OR51B5: variants seen among roughly 807,000 people sequenced by gnomAD.
The protein encoded by OR51B5 is olfactory receptor 51B5.
For missense variants in OR51B5, 456 were observed against 374.6 expected, an observed-to-expected ratio of 1.22 and a Z score of -1.79; for synonymous variants, 186 against 144.8, an observed-to-expected ratio of 1.28 and a Z score of -2.04.
At chr11:5,402,325 TTTTCTTTCTGCCTATA>T (rs1201685453) in intron 1 of OR51B5, among the ~76,000 whole-genome samples, 1 of 152,188 alleles carries the variant, frequency 6.6e-6, no homozygotes, top group East Asian at 1.9e-4. Flanking sequence ...AGACACATAA[TTTTCTTTCTGCCTATA>T]ATGTAATATA....
chr11:5,377,777 G>A lies in OR51B5; in HGVS notation n.85-30867C>T, dbSNP rs948643602. Among the ~76,000 whole-genome samples the A allele has an allele frequency of 2.2e-4, 30 of 139,324 alleles. 4 individuals are homozygous for A. Among genetic ancestry groups the A allele is most frequent in the Admixed American group, 9.9e-4 (14 of 14,212 alleles). The allele number at this position is 139,324 out of a possible 152,430, so 91.4% of individuals were successfully genotyped here. A position where few individuals can be genotyped will look rare whatever the true frequency, so the allele number is the denominator to read the frequency against. On this transcript the variant is annotated intron_variant and non_coding_transcript_variant, in intron 1 of 4. Transcript: ENST00000415970. ...AAGGGATGTGAAGGACCTCTTCAAG[G>A]AGAACTACAAACCACTGCTCAATGA...
At chr11:5,442,223 C>A (rs972107311) in intron 1 of OR51B5, among the ~76,000 whole-genome samples, 3 of 152,104 alleles carry the variant, frequency 2.0e-5, no homozygotes. Context: ...TTAATAAATT[C>A]TACAATCAAA....
chr11:5,357,423 T>C (rs981876963), intron 1 of OR51B5, among the ~76,000 whole-genome samples: 12 of 151,028 alleles, frequency 7.9e-5, no homozygotes, highest in African/African-American at 2.7e-4. Context: ...CAAGAAGAGC[T>C]AACTATCCTA....
chr11:5,480,305 C>T (rs1347365932), intron 1 of OR51B5, among the ~76,000 whole-genome samples: 1 of 151,518 alleles, frequency 6.6e-6, no homozygotes, highest in Non-Finnish European at 1.5e-5. Context: ...TTCTTTGAAA[C>T]CAACGAGAAC....
intron 1 of OR51B5, among the ~76,000 whole-genome samples, chr11:5,404,358 G>A (rs1017203944): frequency 1.1e-4 from 17 of 152,092 alleles, no homozygotes; most frequent in African/African-American, 2.4e-4. Flanking sequence ...ACCAATCAGC[G>A]CTGTGTGTCT....
chr11:5,472,170 A>G (rs946559021), intron 1 of OR51B5, among the ~76,000 whole-genome samples: 11 of 152,214 alleles, frequency 7.2e-5, no homozygotes, highest in East Asian at 5.8e-4. Flanking sequence ...TGAAGCTCCA[A>G]GCACGAAGCC....
At chr11:5,421,312 C>T (rs549543654) in intron 1 of OR51B5, among the ~76,000 whole-genome samples, 1 of 152,230 alleles carries the variant, frequency 6.6e-6, no homozygotes, top group Non-Finnish European at 1.5e-5. Flanking sequence ...GCTGAGAAAA[C>T]AGAAGCCACA....
At chr11:5,373,914 C>T (rs530323332) in intron 1 of OR51B5, among the ~76,000 whole-genome samples, 2 of 152,244 alleles carry the variant, frequency 1.3e-5, no homozygotes, top group African/African-American at 4.8e-5. Flanking sequence ...CACAGACAAA[C>T]AAAAAGACAG....
chr11:5,454,335 G>T (rs1564818820), intron 1 of OR51B5: 2 of 1,614,050 alleles, frequency 1.2e-6, no homozygotes, highest in Non-Finnish European at 1.7e-6. Flanking sequence ...GTACCTATTT[G>T]TGCCTCCTGT....
At chr11:5,374,670 G>A (rs1031562442) in intron 1 of OR51B5, among the ~76,000 whole-genome samples, 3 of 152,204 alleles carry the variant, frequency 2.0e-5, no homozygotes, top group African/African-American at 7.2e-5. Flanking sequence ...CAAGGCTCGA[G>A]AATGACGTGA....
chr11:5,497,485 CAGGCTCTCTA>C (rs936309518), intron 1 of OR51B5, among the ~76,000 whole-genome samples: 3 of 152,162 alleles, frequency 2.0e-5, no homozygotes, highest in Admixed American at 2.0e-4. Flanking sequence ...TGTAGACCCC[CAGGCTCTCTA>C]AGGTTGATTG....
intron 1 of OR51B5, among the ~76,000 whole-genome samples, chr11:5,464,790 G>A (rs1171616699): frequency 6.6e-6 from 1 of 152,074 alleles, no homozygotes; most frequent in African/African-American, 2.4e-5. Flanking sequence ...ATATTCCTTT[G>A]GGTATATACC....
chr11:5,343,469 T>G, exon 1 of OR51B5: 1 of 1,542,506 alleles, frequency 6.5e-7, no homozygotes, highest in East Asian at 2.2e-5. Flanking sequence ...ATGAGCTTCC[T>G]CCAAGCCTGG....
At chr11:5,465,093 C>A (rs1416183079) in intron 1 of OR51B5, among the ~76,000 whole-genome samples, 1 of 147,740 alleles carries the variant, frequency 6.8e-6, no homozygotes, top group Non-Finnish European at 1.5e-5. Flanking sequence ...GTAGTCCCAG[C>A]TACTTGGGAG....
intron 1 of OR51B5, among the ~76,000 whole-genome samples, chr11:5,370,593 T>C (rs947026618): frequency 6.6e-6 from 1 of 152,224 alleles, no homozygotes; most frequent in Non-Finnish European, 1.5e-5. Context: ...ATAGAATAAC[T>C]AAATACATTT....
chr11:5,455,675 A>T (rs1273168283), intron 1 of OR51B5: 2 of 152,170 alleles, frequency 1.3e-5, no homozygotes, highest in African/African-American at 4.8e-5. Flanking sequence ...ATGGAAACTC[A>T]TCCAGAAACC....
chr11:5,376,641 C>T (rs1241447884), intron 1 of OR51B5, among the ~76,000 whole-genome samples: 2 of 151,988 alleles, frequency 1.3e-5, no homozygotes, highest in Non-Finnish European at 2.9e-5. Flanking sequence ...ACCACCGATC[C>T]CACAGAAATA....
chr11:5,365,055 G>A (rs1240875463), intron 1 of OR51B5, among the ~76,000 whole-genome samples: 1 of 152,092 alleles, frequency 6.6e-6, no homozygotes, highest in Non-Finnish European at 1.5e-5. Context: ...GGCAAATAAG[G>A]GACACTCAAT....
intron 1 of OR51B5, among the ~76,000 whole-genome samples, chr11:5,395,951 C>G (rs1849863706): frequency 6.6e-6 from 1 of 152,178 alleles, no homozygotes; most frequent in African/African-American, 2.4e-5. Flanking sequence ...TAACTGTACT[C>G]CATTTAAAAT....
Sources: allele counts gnomAD v4.1 joint callset (sites outside exome capture counted in the v4.1 genomes callset), GRCh38; gene constraint gnomAD v4.1.1; transcripts MANE v1.5; gene names NCBI Gene and HGNC (gene_info 2026-07-23, HGNC 2026-07-21).